CEP104: variants seen among roughly 807,000 people sequenced by gnomAD.
CEP104 encodes centrosomal protein of 104 kDa.
Under a neutral mutation model 113.3 loss-of-function variants are expected in CEP104, and 84 were observed. That is an observed-to-expected ratio of 0.74 (90% CI 0.62 to 0.89). CEP104 has a LOEUF of 0.89. CEP104 is among the 40% of genes least tolerant of loss of function. The probability of loss-of-function intolerance (pLI) is 0.00; values close to 1 mark genes in which losing one functional copy is unlikely to be tolerated. For synonymous variants in CEP104, 378 were observed against 421.7 expected (o/e 0.90, Z 1.27); for missense variants, 1,053 against 1,156.6 (o/e 0.91, Z 1.30).
chr1:3,819,423 C>T lies in CEP104; in HGVS notation c.2572-3053G>A, dbSNP rs1401907559. The stretch of plus-strand genomic sequence containing the variant: ...AGAACCCTGAATACATGAAAACCCA[C>T]TATCTGTCCACGGGGAGAGGCTGTG... On this transcript the variant is annotated intron_variant, in intron 20 of 21. Coordinates refer to ENST00000378230, the MANE Select transcript of CEP104 (RefSeq NM_014704.4). This position sits in a 1 kb window ranked among gnomAD's most constrained non-coding sequence, Gnocchi z 4.6. Among the ~76,000 whole-genome samples, 9 of 152,178 alleles carry T rather than the reference C, an allele frequency of 5.9e-5. No homozygotes were observed. Among genetic ancestry groups the T allele is most frequent in the Non-Finnish European group, 8.8e-5 (6 of 68,034 alleles).
intron 6 of CEP104, chr1:3,843,239 G>T: frequency 7.0e-6 from 5 of 713,196 alleles, no homozygotes; most frequent in Non-Finnish European, 1.0e-5. Flanking sequence ...CCAAAGAGGT[G>T]CCCAGGACAG....
intron 12 of CEP104, among the ~76,000 whole-genome samples, chr1:3,831,642 AGT>A (rs1378899860): frequency 6.6e-6 from 1 of 152,258 alleles, no homozygotes; most frequent in Non-Finnish European, 1.5e-5. Context: ...ATGATTCTGC[AGT>A]GATACGGTCA....
rs1190014238 is a variant in CEP104, at chr1:3,834,008, T to C, written c.1513A>G (p.Lys505Glu). 1.2e-6 allele frequency: 2 copies of C among 1,613,802 alleles called. No individual in the cohort carries two copies. The highest frequency in any genetic ancestry group is 3.3e-5 in the Admixed American group (2 of 60,010). Reference sequence around the variant, plus strand: ...GGAATATATTGTGTAATGATCATTTTCAACAATTTCAAAGAAGCCTGAAAA... The same window carrying C: ...GGAATATATTGTGTAATGATCATTTCCAACAATTTCAAAGAAGCCTGAAAA... ...SVFQASLKLL[K>E]MIITQYIPKH... Residue 505 changes from lysine to glutamate, a missense_variant, in exon 12 of 22, where the codon AAA becomes GAA. By Grantham distance (56) the Lys-to-Glu change is moderately conservative. Coordinates refer to ENST00000378230, the MANE Select transcript of CEP104 (RefSeq NM_014704.4).
chr1:3,821,350 G>A (rs1048339508), intron 20 of CEP104, among the ~76,000 whole-genome samples: 1 of 152,212 alleles, frequency 6.6e-6, no homozygotes, highest in Admixed American at 6.5e-5. Context: ...GGTTCATAAC[G>A]ACACTACAGA....
chr1:3,815,554 A>G (rs1339055391), intron 21 of CEP104, 37 bp from the exon 22 acceptor site: 2 of 1,418,858 alleles, frequency 1.4e-6, no homozygotes, highest in Non-Finnish European at 1.9e-6. Context: ...TAGGAGGGGC[A>G]CTCCTACCCA....
In CEP104 at chr1:3,823,336, C is replaced by T; in HGVS notation, c.2503+88G>A. On this transcript the variant is annotated intron_variant, in intron 19 of 21. Transcript: ENST00000378230. This position sits in a 1 kb window ranked among gnomAD's most constrained non-coding sequence, Gnocchi z 4.1. ...CGCAGGTGCCCTTTAATTCACCAAG[C>T]CCTTGCACAGGCTCAAGAGCAGTGG... The T allele has an allele frequency of 6.2e-7, 1 of 1,610,784 alleles. No individual in the cohort carries two copies. The highest frequency in any genetic ancestry group is 8.5e-7 in the Non-Finnish European group (1 of 1,177,110).
chr1:3,854,769 A>G (rs1055953827), intron 1 of CEP104, among the ~76,000 whole-genome samples: 141 of 150,420 alleles, frequency 9.4e-4, no homozygotes, highest in Non-Finnish European at 1.3e-3. Flanking sequence ...ATAAGCCACC[A>G]TGCCAGGCCC....
chr1:3,815,277 C>T lies in CEP104; in HGVS notation c.*125G>A, dbSNP rs1484022565. On this transcript the variant is annotated 3_prime_UTR_variant, in exon 22 of 22. Coordinates refer to ENST00000378230, the MANE Select transcript of CEP104 (RefSeq NM_014704.4). ...GGCACAGACGCGTAAGAGGCGTGCA[C>T]GGCGGGGAGCTGGGGACAGCAGCCA... is the stretch of plus-strand genomic sequence containing the variant. 1.4e-5 allele frequency: 10 copies of T among 700,220 alleles called. No homozygotes were observed. The highest frequency in any genetic ancestry group is 7.1e-5 in the Admixed American group (3 of 42,352). The allele number at this position is 700,220 out of a possible 1,614,324, so 43.4% of individuals were successfully genotyped here. A position where few individuals can be genotyped will look rare whatever the true frequency, so the allele number is the denominator to read the frequency against.
chr1:3,821,885 C>T (rs1282955954), intron 20 of CEP104, among the ~76,000 whole-genome samples: 2 of 152,216 alleles, frequency 1.3e-5, no homozygotes, highest in Non-Finnish European at 2.9e-5. Flanking sequence ...ACAGACCAAC[C>T]AGGCACCGGG....
chr1:3,832,050 C>T (rs139152033), intron 12 of CEP104, among the ~76,000 whole-genome samples: 2 of 152,336 alleles, frequency 1.3e-5, no homozygotes, highest in African/African-American at 4.8e-5. Context: ...CGATAGATTG[C>T]CTTAAGGTTG....
At chr1:3,846,983 T>A (rs548313040) in intron 4 of CEP104, among the ~76,000 whole-genome samples, 1 of 152,320 alleles carries the variant, frequency 6.6e-6, no homozygotes, top group East Asian at 1.9e-4. Flanking sequence ...TGTCCACAAT[T>A]TCCACCAGGG....
At position 3,852,330 on chromosome 1, in the gene CEP104, G is replaced by A. The variant is rs536901555; in HGVS notation, c.78C>T (p.Ile26=). Residue 26 remains isoleucine (I), a synonymous_variant, in exon 2 of 22, where the codon ATC becomes ATT. Transcript: ENST00000378230. ...EDGFSARELM[I]HAPTVSGWRS... The stretch of plus-strand genomic sequence containing the variant: ...GCCACCCACTGACAGTTGGCGCGTG[G>A]ATCATGAGCTCCCGGGCACTGAAGC... 6.2e-6 allele frequency: 10 copies of A among 1,613,978 alleles called. No homozygotes were observed. In the South Asian group the frequency reaches 7.7e-5, roughly 12 times the overall value.
intron 12 of CEP104, 118 bp from the exon 13 acceptor site, chr1:3,831,340 T>C: frequency 2.4e-6 from 2 of 837,378 alleles, no homozygotes; most frequent in South Asian, 1.8e-5. Context: ...TACAGATTGA[T>C]AGTGACAAGG....
intron 18 of CEP104, among the ~76,000 whole-genome samples, chr1:3,825,098 GGGGGGCAGTGGCACTGTGGGAA>G (rs1286717376): frequency 7.2e-4 from 38 of 52,632 alleles, no homozygotes; most frequent in African/African-American, 3.5e-3. Context: ...ACTGTGGGAA[GGGGGGCAGTGGCACTGTGGGAA>G]GGGGGCAGTG....
chr1:3,855,984 A>G lies in CEP104; in HGVS notation c.-15+905T>C, dbSNP rs374086138. Reference sequence around the variant, plus strand: ...TGACTCCATGGCGGTCTCATCCCTCACTACACTTTTCCTAGTGCTGGCATG... The same window carrying G: ...TGACTCCATGGCGGTCTCATCCCTCGCTACACTTTTCCTAGTGCTGGCATG... On this transcript the variant is annotated intron_variant, in intron 1 of 21. Coordinates refer to ENST00000378230, the MANE Select transcript of CEP104 (RefSeq NM_014704.4). 21 of 981,360 alleles carry G rather than the reference A, an allele frequency of 2.1e-5. No homozygotes were observed. In the East Asian group the frequency reaches 5.7e-4, roughly 27 times the overall value. 60.8% of individuals were successfully genotyped at this position (981,360 alleles called of 1,614,324 possible).
intron 13 of CEP104, among the ~76,000 whole-genome samples, chr1:3,830,406 C>T (rs2124657654): frequency 6.6e-6 from 1 of 152,308 alleles, no homozygotes; most frequent in South Asian, 2.1e-4. Context: ...ATCCTAAACA[C>T]TTCTGGTCTT....
chr1:3,845,544 T>G (rs992507389), intron 4 of CEP104, among the ~76,000 whole-genome samples, 193 bp from the exon 5 acceptor site: 3 of 152,160 alleles, frequency 2.0e-5, no homozygotes, highest in Non-Finnish European at 4.4e-5. Context: ...TAGCTGGGAC[T>G]ACAGGTGTGA....
chr1:3,820,185 G>A (rs749592983), intron 20 of CEP104, among the ~76,000 whole-genome samples: 30 of 152,176 alleles, frequency 2.0e-4, no homozygotes, highest in Non-Finnish European at 3.4e-4. Flanking sequence ...GTAAGAGGAT[G>A]TCAATTCAAA....
At chr1:3,826,856 A>T in intron 15 of CEP104, 112 bp from the exon 16 acceptor site, 1 of 1,113,284 alleles carries the variant, frequency 9.0e-7, no homozygotes. Flanking sequence ...TTTGTTTTAG[A>T]ATTTCTACTG....
Sources: allele counts gnomAD v4.1 joint callset (sites outside exome capture counted in the v4.1 genomes callset), GRCh38; gene constraint gnomAD v4.1.1; non-coding constraint Gnocchi (gnomAD v3.1); transcripts MANE v1.5; gene names NCBI Gene and HGNC (gene_info 2026-07-23, HGNC 2026-07-21).